The following PYY variants were observed in gnomAD, a reference collection of about 807,000 sequenced individuals.
The protein encoded by PYY is peptide YY.
A neutral mutation model predicts 10.3 loss-of-function variants in PYY; 12 were observed. The ratio of observed to expected loss-of-function variants is 1.17; its 90% CI spans 0.75 to 1.89. PYY has a LOEUF of 1.89. PYY is among the 40% of genes most tolerant of loss of function. The pLI, the probability that PYY is intolerant of heterozygous loss-of-function variation, is 0.00. For synonymous variants in PYY, 66 were observed against 62.0 expected (o/e 1.06, Z -0.30); for missense variants, 141 against 134.0 (o/e 1.05, Z -0.26).
chr17:43,989,218 C>T (rs951833550), intron 1 of PYY, among the ~76,000 whole-genome samples: 15 of 151,784 alleles, frequency 9.9e-5, no homozygotes, highest in African/African-American at 3.6e-4. Flanking sequence ...GCTAAAAATA[C>T]AAAAAATTAG....
rs1415937035 is a variant in PYY at position 43,953,395 on chromosome 17, G to C, written c.89C>G (p.Pro30Arg). The C allele has an allele frequency of 6.2e-7, 1 of 1,612,884 alleles. No homozygotes were observed. The highest frequency in any genetic ancestry group is 8.5e-7 in the Non-Finnish European group (1 of 1,179,604). ...TTCGCGGGGAGCCTCGGGTTTGATG[G>C]GGTAGGCGTCGACCAGCGCCCCTAG... Reference protein sequence around the residue: ...VCLGALVDAYPIKPEAPREDA... With the variant: ...VCLGALVDAYRIKPEAPREDA... The change falls in exon 2 of 4, where the codon CCC becomes CGC. Residue 30 changes from proline to arginine, a missense_variant. By Grantham distance (103) the Pro-to-Arg change is moderately radical. Coordinates refer to ENST00000692052, the MANE Select transcript of PYY (RefSeq NM_001394028.1).
intron 1 of PYY, among the ~76,000 whole-genome samples, chr17:43,996,638 G>GT (rs1290336729): frequency 6.6e-6 from 1 of 151,530 alleles, no homozygotes; most frequent in Non-Finnish European, 1.5e-5. Flanking sequence ...CTAATTTCTT[G>GT]TTTTTTATTT....
chr17:43,969,825 C>A (rs1305156020), intron 1 of PYY, among the ~76,000 whole-genome samples: 2 of 151,206 alleles, frequency 1.3e-5, no homozygotes, highest in Non-Finnish European at 2.9e-5. Flanking sequence ...CTCACTGCAA[C>A]CTCTGCCTCC....
At chr17:43,975,303 C>G (rs772549495) in intron 1 of PYY, among the ~76,000 whole-genome samples, 37 of 152,116 alleles carry the variant, frequency 2.4e-4, no homozygotes, top group Admixed American at 3.9e-4. Flanking sequence ...GGGTTTGAAT[C>G]CCACTCGCAT....
intron 1 of PYY, among the ~76,000 whole-genome samples, chr17:43,975,493 A>G (rs145827022): frequency 3.6e-4 from 55 of 151,960 alleles, no homozygotes; most frequent in Non-Finnish European, 6.0e-4. Flanking sequence ...GGATTGCTTG[A>G]GCCCAGGAGT....
At chr17:43,974,162 T>C (rs1027288343) in intron 1 of PYY, among the ~76,000 whole-genome samples, 3 of 152,102 alleles carry the variant, frequency 2.0e-5, no homozygotes, top group African/African-American at 7.2e-5. Flanking sequence ...CATTGCCATT[T>C]ACATGGGATA....
At chr17:44,001,034 G>A (rs954247279) in intron 1 of PYY, among the ~76,000 whole-genome samples, 6 of 152,086 alleles carry the variant, frequency 3.9e-5, no homozygotes, top group East Asian at 3.8e-4. Context: ...TCTACACATC[G>A]TTTATCTGTT....
intron 1 of PYY, among the ~76,000 whole-genome samples, chr17:43,989,348 TG>T (rs34336148): frequency 0.11 from 16,187 of 151,948 alleles, 1,512 homozygotes; most frequent in African/African-American, 0.25. Context: ...CACTCCAGCC[TG>T]GGTGACAGAG....
intron 1 of PYY, among the ~76,000 whole-genome samples, chr17:43,995,817 C>A (rs1311213792): frequency 1.4e-5 from 2 of 141,414 alleles, no homozygotes; most frequent in Admixed American, 1.5e-4. Context: ...CTGGGTGACA[C>A]TCCATCTCAA....
chr17:43,971,627 A>G (rs1442311075), intron 1 of PYY, among the ~76,000 whole-genome samples: 1 of 150,186 alleles, frequency 6.7e-6, no homozygotes, highest in Non-Finnish European at 1.5e-5. Context: ...ACATCTATTC[A>G]TGTGCTTATC....
intron 1 of PYY, among the ~76,000 whole-genome samples, chr17:43,973,772 G>A (rs538387544): frequency 1.3e-5 from 2 of 152,330 alleles, no homozygotes; most frequent in African/African-American, 2.4e-5. Flanking sequence ...TCCAGCCTGG[G>A]TGACAAAGCA....
chr17:43,988,850 C>T (rs1455558657), intron 1 of PYY, among the ~76,000 whole-genome samples: 2 of 151,402 alleles, frequency 1.3e-5, no homozygotes, highest in Non-Finnish European at 1.5e-5. Context: ...GCAACCTCCA[C>T]CTCCTGGGTT....
chr17:43,976,728 C>T (rs1370249547), intron 1 of PYY, among the ~76,000 whole-genome samples: 1 of 152,112 alleles, frequency 6.6e-6, no homozygotes, highest in East Asian at 1.9e-4. Flanking sequence ...GCCAAGATCA[C>T]GCCACTGCAC....
intron 1 of PYY, among the ~76,000 whole-genome samples, chr17:43,976,636 G>T (rs1420702219): frequency 6.6e-6 from 1 of 152,090 alleles, no homozygotes; most frequent in Non-Finnish European, 1.5e-5. Flanking sequence ...GCTGGGCGTG[G>T]TGGCGCATGC....
At chr17:43,989,216 T>C (rs573993384) in intron 1 of PYY, among the ~76,000 whole-genome samples, 2 of 151,736 alleles carry the variant, frequency 1.3e-5, no homozygotes, top group South Asian at 2.1e-4. Flanking sequence ...CTGCTAAAAA[T>C]ACAAAAAATT....
intron 1 of PYY, among the ~76,000 whole-genome samples, chr17:43,995,829 GAAAAAAA>G (rs573860516): frequency 1.0e-5 from 1 of 97,802 alleles, no homozygotes; most frequent in Admixed American, 1.1e-4. Flanking sequence ...CCATCTCAAT[GAAAAAAA>G]AAAAAAAAAA....
chr17:43,977,079 G>A (rs1236779058), intron 1 of PYY, among the ~76,000 whole-genome samples: 2 of 152,092 alleles, frequency 1.3e-5, no homozygotes, highest in East Asian at 3.9e-4. Flanking sequence ...CCCCCACCCT[G>A]CCTTCCTGGC....
chr17:43,991,100 C>T (rs1395332943), intron 1 of PYY, among the ~76,000 whole-genome samples: 4 of 151,526 alleles, frequency 2.6e-5, no homozygotes, highest in African/African-American at 7.3e-5. Flanking sequence ...TAATGTTATG[C>T]GGGAAAGACA....
chr17:43,963,089 G>T (rs1206904000), intron 2 of PYY, among the ~76,000 whole-genome samples: 2 of 152,178 alleles, frequency 1.3e-5, no homozygotes, highest in African/African-American at 4.8e-5. Context: ...AAAAGGAAGA[G>T]ATTTGTGAAG....
Sources: gnomAD v4.1 joint callset for allele counts (sites outside exome capture counted in the v4.1 genomes callset) on GRCh38, gnomAD v4.1.1 for gene constraint, MANE v1.5 for transcripts, NCBI Gene and HGNC (gene_info 2026-07-23, HGNC 2026-07-21) for gene names.